The following BYSL variants were observed in gnomAD, a reference collection of about 807,000 sequenced individuals.
BYSL encodes the protein bystin like.
A neutral mutation model predicts 45.4 loss-of-function variants in BYSL; 21 were observed. The ratio of observed to expected loss-of-function variants is 0.46; its 90% CI spans 0.33 to 0.67. The LOEUF is 0.67. BYSL is among the 30% of genes least tolerant of loss of function. BYSL has a pLI of 0.02. For missense variants in BYSL, 522 were observed against 578.5 expected (o/e 0.90, Z 1.00); for synonymous variants, 215 against 231.3 (o/e 0.93, Z 0.64).
intron 1 of BYSL, among the ~76,000 whole-genome samples, chr6:41,924,609 C>T (rs929132976): frequency 3.3e-5 from 5 of 152,082 alleles, no homozygotes; most frequent in African/African-American, 4.8e-5. Context: ...CTGGGTTAAT[C>T]GGTAATGAAT....
At chr6:41,927,810 GC>G (rs1303874004) in intron 2 of BYSL, among the ~76,000 whole-genome samples, 1 of 152,204 alleles carries the variant, frequency 6.6e-6, no homozygotes, top group Non-Finnish European at 1.5e-5. Flanking sequence ...TCTGGGGAGA[GC>G]CATCCTATTG....
At chr6:41,910,822 A>G in the BYSL span, among the ~76,000 whole-genome samples, 6 of 149,468 alleles carry the variant, frequency 4.0e-5, no homozygotes, top group African/African-American at 1.5e-4. Context: ...AGAAGCTGAC[A>G]ATCAGGCTGG....
chr6:41,930,613 G>A (rs199904166), intron 3 of BYSL, 22 bp from the exon 4 acceptor site: 2 of 1,594,730 alleles, frequency 1.3e-6, no homozygotes, highest in Admixed American at 3.6e-5. Context: ...GACGATGATT[G>A]TTTTACCTCC....
upstream of BYSL, chr6:41,918,010 C>T (rs750757530): frequency 1.9e-5 from 5 of 258,958 alleles, no homozygotes; most frequent in African/African-American, 6.9e-5. Context: ...AAGAATGGAA[C>T]AAAACAAAAA....
chr6:41,919,012 C>T (rs1775390640), upstream of BYSL, among the ~76,000 whole-genome samples: 1 of 149,824 alleles, frequency 6.7e-6, no homozygotes, highest in African/African-American at 2.5e-5. Context: ...GCCTGTAGTC[C>T]CAGCTACTCG....
At chr6:41,922,069 G>A (rs1028303272) in intron 1 of BYSL, among the ~76,000 whole-genome samples, 3 of 152,138 alleles carry the variant, frequency 2.0e-5, no homozygotes, top group African/African-American at 4.8e-5. Flanking sequence ...AGTGCTCCTA[G>A]CATGTATCCA....
chr6:41,927,561 G>T, intron 2 of BYSL, 25 bp downstream of exon 2: 1 of 1,611,086 alleles, frequency 6.2e-7, no homozygotes, highest in South Asian at 1.1e-5. Flanking sequence ...TTGGGATAAT[G>T]AGTCCTTGTA....
chr6:41,921,496 C>T, upstream of BYSL: 2 of 1,496,604 alleles, frequency 1.3e-6, no homozygotes, highest in Non-Finnish European at 1.8e-6. Context: ...GAGTCCACCG[C>T]GCAAGCGCAT....
intron 1 of BYSL, among the ~76,000 whole-genome samples, chr6:41,923,489 G>T (rs1227534445): frequency 6.6e-6 from 1 of 152,144 alleles, no homozygotes; most frequent in Non-Finnish European, 1.5e-5. Flanking sequence ...TAGAGATGGG[G>T]TTTCACCATG....
rs767843326 is a variant in BYSL at position 41,931,522 on chromosome 6, G to A, written c.831G>A (p.Lys277=). The A allele has an allele frequency of 6.2e-7, 1 of 1,614,192 alleles. No homozygotes were observed. Among genetic ancestry groups the A allele is most frequent in the East Asian group, 2.2e-5 (1 of 44,870 alleles). Residue 277 remains lysine (K), a synonymous_variant, in exon 5 of 7, where the codon AAG becomes AAA. Transcript: ENST00000230340. ...ACTTCCATCTCTACATGGCTCTCAA[G>A]AAGGCCCTTTTCAAACCTGGAGCCT... is the stretch of plus-strand genomic sequence containing the variant. The part of the protein sequence containing the change: ...RLNFHLYMAL[K]KALFKPGAWF...
At chr6:41,916,859 C>G, upstream of BYSL, 2 of 1,614,102 alleles carry the variant, frequency 1.2e-6, no homozygotes, top group Non-Finnish European at 1.7e-6. Flanking sequence ...CTTCTCTGCC[C>G]CAAGCATCTC....
Position 41,932,262 on chromosome 6 carries a change from C to T in BYSL, c.969-99C>T. On this transcript the variant is annotated intron_variant, in intron 6 of 6. Transcript: ENST00000230340. The surrounding 1 kb of genome is among the most constrained non-coding windows in gnomAD (Gnocchi z 4.7). ...GGGAATACCATAGTGTAAGGGCCAGCAGAGGGGAAGAAAAAAAGGGGAAAG... is the reference window on the plus strand; with the variant it reads ...GGGAATACCATAGTGTAAGGGCCAGTAGAGGGGAAGAAAAAAAGGGGAAAG... 3.4e-6 allele frequency: 4 copies of T among 1,180,928 alleles called. No homozygotes were observed. In the South Asian group the frequency reaches 5.5e-5, roughly 16 times the overall value. 73.2% of individuals were successfully genotyped at this position (1,180,928 alleles called of 1,614,324 possible).
At chr6:41,916,072 C>A in the BYSL span, among the ~76,000 whole-genome samples, 12 of 151,626 alleles carry the variant, frequency 7.9e-5, no homozygotes, top group Middle Eastern at 3.4e-3. Context: ...CATAGGGAGA[C>A]CCTGTCTCTA....
At chr6:41,924,969 C>T (rs1242999871) in intron 1 of BYSL, among the ~76,000 whole-genome samples, 1 of 152,156 alleles carries the variant, frequency 6.6e-6, no homozygotes, top group East Asian at 1.9e-4. Flanking sequence ...GCAAGAGTAC[C>T]TCCCAGGCTT....
At chr6:41,920,146 A>G (rs1333686246), upstream of BYSL, among the ~76,000 whole-genome samples, 5 of 152,180 alleles carry the variant, frequency 3.3e-5, no homozygotes, top group Admixed American at 1.3e-4. Context: ...TTCAACTGAG[A>G]CTTAAAACAT....
intron 2 of BYSL, among the ~76,000 whole-genome samples, chr6:41,929,244 C>G (rs1330032743): frequency 2.6e-5 from 4 of 152,136 alleles, no homozygotes; most frequent in South Asian, 2.1e-4. Context: ...CATGGTGGCC[C>G]AGACCTGTAA....
chr6:41,909,919 T>G, the BYSL span, among the ~76,000 whole-genome samples: 1 of 152,204 alleles, frequency 6.6e-6, no homozygotes, highest in East Asian at 1.9e-4. Flanking sequence ...TAACAGCATT[T>G]GGGCATGCCA....
upstream of BYSL, among the ~76,000 whole-genome samples, chr6:41,919,128 CAAAAA>C (rs35512146): frequency 2.2e-5 from 1 of 44,886 alleles, no homozygotes; most frequent in African/African-American, 8.6e-5. Context: ...GACTCTGCCT[CAAAAA>C]AAAAAAAAAA....
At chr6:41,931,600 C>T (rs779279300) in intron 5 of BYSL, 44 bp downstream of exon 5, 2 of 1,613,572 alleles carry the variant, frequency 1.2e-6, no homozygotes, top group East Asian at 2.2e-5. Flanking sequence ...GCTGGAGCTT[C>T]TATGGGGAAC....
Sources: allele counts gnomAD v4.1 joint callset (sites outside exome capture counted in the v4.1 genomes callset), GRCh38; gene constraint gnomAD v4.1.1; non-coding constraint Gnocchi (gnomAD v3.1); transcripts MANE v1.5; gene names NCBI Gene and HGNC (gene_info 2026-07-23, HGNC 2026-07-21).